The following MEIS2 variants were observed in gnomAD, a reference collection of about 807,000 sequenced individuals.
MEIS2 encodes the protein homeobox protein Meis2.
A neutral mutation model predicts 58.6 loss-of-function variants in MEIS2; 9 were observed. The observed-to-expected ratio is 0.15, with a 90% confidence interval of 0.09 to 0.27. The LOEUF (loss-of-function observed/expected upper bound fraction) is 0.27, where lower values mean the gene tolerates loss of function less well. Ranked by LOEUF, MEIS2 falls within the 10% of genes least tolerant of loss-of-function variation. The probability of loss-of-function intolerance (pLI) is 1.00; values close to 1 mark genes in which losing one functional copy is unlikely to be tolerated. For missense variants in MEIS2, 427 were observed against 635.0 expected, an observed-to-expected ratio of 0.67 and a Z score of 3.52; for synonymous variants, 221 against 228.4, an observed-to-expected ratio of 0.97 and a Z score of 0.29.
intron 9 of MEIS2, among the ~76,000 whole-genome samples, chr15:36,946,890 T>C (rs1294919804): frequency 6.6e-6 from 1 of 152,044 alleles, no homozygotes; most frequent in Admixed American, 6.6e-5. Context: ...TCATGCTATA[T>C]TACCTTTAGA....
chr15:37,099,250 A>G (rs1894796603), intron 1 of MEIS2: 1 of 1,439,708 alleles, frequency 6.9e-7, no homozygotes, highest in Admixed American at 2.8e-5. Context: ...CCAGACACGC[A>G]CACACGCACG....
At chr15:37,022,802 G>A (rs753134873) in intron 8 of MEIS2, among the ~76,000 whole-genome samples, 10 of 151,966 alleles carry the variant, frequency 6.6e-5, no homozygotes, top group East Asian at 3.9e-4. Context: ...GACTACAGGC[G>A]CCTGCCAGAA....
intron 9 of MEIS2, among the ~76,000 whole-genome samples, chr15:36,904,973 A>G (rs2056660137): frequency 6.6e-6 from 1 of 152,178 alleles, no homozygotes; most frequent in African/African-American, 2.4e-5. Context: ...ACATGCAATA[A>G]TGCTTTGAGA....
At chr15:36,978,363 T>C (rs1332055437) in intron 8 of MEIS2, among the ~76,000 whole-genome samples, 1 of 152,196 alleles carries the variant, frequency 6.6e-6, no homozygotes, top group Non-Finnish European at 1.5e-5. Flanking sequence ...GGTAACACTG[T>C]CAGTAGTAGC....
At chr15:36,998,156 G>C (rs1041972224) in intron 8 of MEIS2, among the ~76,000 whole-genome samples, 2 of 151,170 alleles carry the variant, frequency 1.3e-5, no homozygotes, top group African/African-American at 2.4e-5. Context: ...TCCCATAAAT[G>C]GTACCATAGT....
chr15:36,951,377 C>T (rs1237509784), intron 8 of MEIS2, among the ~76,000 whole-genome samples: 1 of 152,104 alleles, frequency 6.6e-6, no homozygotes, highest in Non-Finnish European at 1.5e-5. Flanking sequence ...ATGTCAAAGT[C>T]ATTCATAAAG....
chr15:37,012,125 T>A (rs1248263834), intron 8 of MEIS2, among the ~76,000 whole-genome samples: 1 of 152,172 alleles, frequency 6.6e-6, no homozygotes, highest in South Asian at 2.1e-4. Context: ...CTTTCCTTCA[T>A]TGCACATCAG....
chr15:36,924,886 T>G (rs1197258397), intron 9 of MEIS2, among the ~76,000 whole-genome samples: 1 of 152,196 alleles, frequency 6.6e-6, no homozygotes, highest in Admixed American at 6.5e-5. Flanking sequence ...GGATTGATCA[T>G]CACCTTCCTT....
chr15:36,976,187 C>A (rs1338634274), intron 8 of MEIS2, among the ~76,000 whole-genome samples: 1 of 151,982 alleles, frequency 6.6e-6, no homozygotes, highest in Non-Finnish European at 1.5e-5. Flanking sequence ...CGGGTTCAAG[C>A]AACTCTCCTG....
intron 8 of MEIS2, among the ~76,000 whole-genome samples, chr15:36,959,865 G>A (rs2059121686): frequency 6.6e-6 from 1 of 152,090 alleles, no homozygotes; most frequent in Non-Finnish European, 1.5e-5. Context: ...GTAGCAGAGA[G>A]TTATATAATG....
intron 6 of MEIS2, among the ~76,000 whole-genome samples, chr15:37,087,062 A>C (rs1336381561): frequency 1.3e-5 from 2 of 152,208 alleles, no homozygotes; most frequent in Admixed American, 6.5e-5. Context: ...TCCTGAAACC[A>C]AAGTGACATA....
At chr15:37,083,323 C>T (rs978819956) in intron 7 of MEIS2, among the ~76,000 whole-genome samples, 5 of 152,126 alleles carry the variant, frequency 3.3e-5, no homozygotes, top group African/African-American at 7.2e-5. Context: ...CACAATATTT[C>T]CAGAGCTAAT....
chr15:36,984,601 CATAAG>C (rs1488129598), intron 8 of MEIS2, among the ~76,000 whole-genome samples: 1 of 152,106 alleles, frequency 6.6e-6, no homozygotes, highest in Non-Finnish European at 1.5e-5. Context: ...ATGTTGACTT[CATAAG>C]ATGAGTTTGG....
chr15:36,957,528 C>T (rs1413501187), intron 8 of MEIS2, among the ~76,000 whole-genome samples: 2 of 152,156 alleles, frequency 1.3e-5, no homozygotes, highest in Non-Finnish European at 1.5e-5. Context: ...TTCATTCAAA[C>T]AGTGGAAAAC....
intron 8 of MEIS2, among the ~76,000 whole-genome samples, chr15:36,970,781 T>C (rs965986411): frequency 1.3e-5 from 2 of 152,130 alleles, no homozygotes; most frequent in African/African-American, 2.4e-5. Flanking sequence ...AGAATCTTTA[T>C]ACAAAGAAAT....
chr15:37,071,593 G>A (rs532973810), intron 7 of MEIS2, among the ~76,000 whole-genome samples: 6 of 152,152 alleles, frequency 3.9e-5, no homozygotes, highest in Admixed American at 1.3e-4. Context: ...TACTATGAAT[G>A]AGGCATAAAA....
At chr15:37,063,577 C>T (rs1889533125) in intron 7 of MEIS2, among the ~76,000 whole-genome samples, 1 of 152,168 alleles carries the variant, frequency 6.6e-6, no homozygotes, top group Admixed American at 6.5e-5. Flanking sequence ...CATAGAGTAG[C>T]TGTCAAGCAT....
At chr15:36,950,256 G>A in intron 9 of MEIS2, 68 bp downstream of exon 9, 1 of 1,303,006 alleles carries the variant, frequency 7.7e-7, no homozygotes, top group Non-Finnish European at 1.1e-6. Flanking sequence ...AAAAAAAAGA[G>A]AGAAAACCAT....
intron 9 of MEIS2, among the ~76,000 whole-genome samples, chr15:36,921,306 T>C (rs1391384732): frequency 6.6e-6 from 1 of 152,062 alleles, no homozygotes; most frequent in African/African-American, 2.4e-5. Context: ...GAAAAGAAAA[T>C]GCGAAATGAT....
Sources: allele counts gnomAD v4.1 joint callset (sites outside exome capture counted in the v4.1 genomes callset), GRCh38; gene constraint gnomAD v4.1.1; transcripts MANE v1.5; gene names NCBI Gene and HGNC (gene_info 2026-07-23, HGNC 2026-07-21).